PRKCE: variants seen among roughly 807,000 people sequenced by gnomAD.
PRKCE encodes protein kinase C epsilon.
Under a neutral mutation model 85.4 loss-of-function variants are expected in PRKCE, and 16 were observed. That is an observed-to-expected ratio of 0.19 (90% CI 0.13 to 0.28). The LOEUF is 0.28. Among genes scored for constraint, PRKCE ranks in the 10% least tolerant of loss-of-function variants. PRKCE has a pLI of 1.00. For missense variants in PRKCE, 573 were observed against 975.2 expected (o/e 0.59, Z 5.49); for synonymous variants, 388 against 371.5 (o/e 1.04, Z -0.51).
intron 10 of PRKCE, among the ~76,000 whole-genome samples, chr2:46,072,411 C>G (rs1034803223): frequency 1.3e-5 from 2 of 152,220 alleles, no homozygotes; most frequent in African/African-American, 2.4e-5. Context: ...GAGATGTCAA[C>G]CACGCTTTCT....
chr2:46,075,379 C>T (rs902910947), intron 10 of PRKCE, among the ~76,000 whole-genome samples: 2 of 151,888 alleles, frequency 1.3e-5, no homozygotes, highest in African/African-American at 2.4e-5. Context: ...TCCTAAACTT[C>T]GGCCGCAAAC....
intron 1 of PRKCE, among the ~76,000 whole-genome samples, chr2:45,655,982 G>C (rs556833826): frequency 6.6e-6 from 1 of 152,160 alleles, no homozygotes; most frequent in South Asian, 2.1e-4. Context: ...CAGTGTTCCT[G>C]GCATGGCCAC....
intron 4 of PRKCE, among the ~76,000 whole-genome samples, chr2:45,979,402 C>T (rs1232486762): frequency 6.6e-6 from 1 of 152,222 alleles, no homozygotes; most frequent in African/African-American, 2.4e-5. Context: ...GAAGAAGCTT[C>T]CTCGCCTGCT....
chr2:46,085,736 G>GTTTTTTTTTT lies in PRKCE; in HGVS notation c.1438-469_1438-460dup, dbSNP rs1170933914. Among the ~76,000 whole-genome samples the GTTTTTTTTTT allele has an allele frequency of 5.7e-5, 6 of 104,564 alleles. 1 individual carries two copies. The highest frequency in any genetic ancestry group is 9.7e-5 in the Admixed American group (1 of 10,280). 68.6% of individuals were successfully genotyped at this position (104,564 alleles called of 152,430 possible). On this transcript the variant is annotated intron_variant, in intron 10 of 14. Coordinates refer to ENST00000306156, the MANE Select transcript of PRKCE (RefSeq NM_005400.3). Reference sequence around the variant, plus strand: ...TCACTTAATTACATCTGCAAAATCCGTTTTTTTTTTTTGTTTTTGTTTTTT... The same window carrying GTTTTTTTTTT: ...TCACTTAATTACATCTGCAAAATCCGTTTTTTTTTTTTTTTTTTTTTTGTTTTTGTTTTTT...
chr2:45,859,894 A>C (rs1193328301), intron 2 of PRKCE, among the ~76,000 whole-genome samples: 2 of 152,210 alleles, frequency 1.3e-5, no homozygotes, highest in East Asian at 3.8e-4. Flanking sequence ...GCTGATGTGC[A>C]TGAAAGCTCA....
At chr2:46,080,158 G>C (rs1339157434) in intron 10 of PRKCE, among the ~76,000 whole-genome samples, 4 of 152,148 alleles carry the variant, frequency 2.6e-5, no homozygotes, top group African/African-American at 9.7e-5. Context: ...GGGTTTGCCA[G>C]CTTTCTTTTG....
At chr2:46,096,988 G>A (rs1294161188) in intron 11 of PRKCE, among the ~76,000 whole-genome samples, 1 of 152,188 alleles carries the variant, frequency 6.6e-6, no homozygotes, top group Non-Finnish European at 1.5e-5. Flanking sequence ...TGCCTGAGGA[G>A]TTACAGGTAC....
chr2:46,038,057 C>G (rs1289796796), intron 10 of PRKCE, among the ~76,000 whole-genome samples: 2 of 152,184 alleles, frequency 1.3e-5, no homozygotes, highest in East Asian at 3.8e-4. Context: ...CCAGTCTCCT[C>G]TGTCCTGTCT....
chr2:45,787,812 A>G (rs1339056418), intron 1 of PRKCE, among the ~76,000 whole-genome samples: 1 of 152,162 alleles, frequency 6.6e-6, no homozygotes, highest in Non-Finnish European at 1.5e-5. Flanking sequence ...GGGATGTATG[A>G]CCTCAAGGGA....
intron 1 of PRKCE, among the ~76,000 whole-genome samples, chr2:45,820,930 G>A (rs1689480049): frequency 6.7e-6 from 1 of 148,172 alleles, no homozygotes; most frequent in Admixed American, 6.7e-5. Context: ...GCAATCTTAT[G>A]AGGTTCTAGC....
At chr2:45,851,410 A>G (rs536878386) in intron 2 of PRKCE, among the ~76,000 whole-genome samples, 202 of 152,306 alleles carry the variant, frequency 1.3e-3, no homozygotes, top group African/African-American at 4.5e-3. Context: ...TCCTGCCCTC[A>G]TGGGGCTTAC....
chr2:45,890,157 A>T (rs1247866157), intron 2 of PRKCE, among the ~76,000 whole-genome samples: 2 of 152,190 alleles, frequency 1.3e-5, no homozygotes, highest in African/African-American at 4.8e-5. Flanking sequence ...GGTAGTTATG[A>T]TTTAATCTTT....
At chr2:45,667,856 T>A (rs1027455029) in intron 1 of PRKCE, among the ~76,000 whole-genome samples, 1 of 151,858 alleles carries the variant, frequency 6.6e-6, no homozygotes, top group African/African-American at 2.4e-5. Context: ...AGTGGCACTG[T>A]GGTTAAGTGG....
intron 1 of PRKCE, among the ~76,000 whole-genome samples, chr2:45,684,124 C>T (rs960535160): frequency 5.3e-5 from 8 of 152,162 alleles, no homozygotes; most frequent in Non-Finnish European, 1.0e-4. Flanking sequence ...TATTCTTCCC[C>T]TGTGCATTCA....
intron 14 of PRKCE, among the ~76,000 whole-genome samples, chr2:46,171,119 GGTCCTGCCACT>G (rs1196868270): frequency 6.6e-6 from 1 of 152,206 alleles, no homozygotes; most frequent in African/African-American, 2.4e-5. Context: ...GCCAGGCTCG[GGTCCTGCCACT>G]GCACATCCTG....
At chr2:45,783,791 C>T (rs561117854) in intron 1 of PRKCE, among the ~76,000 whole-genome samples, 1 of 152,268 alleles carries the variant, frequency 6.6e-6, no homozygotes, top group East Asian at 1.9e-4. Flanking sequence ...TTCTAGGAGC[C>T]GGGAAGTGTG....
At chr2:46,013,336 A>C (rs1208707566) in intron 10 of PRKCE, among the ~76,000 whole-genome samples, 1 of 152,238 alleles carries the variant, frequency 6.6e-6, no homozygotes. Flanking sequence ...TTCACTGATA[A>C]TAGATTGGGA....
chr2:46,085,757 T>A (rs1181685870), intron 10 of PRKCE, among the ~76,000 whole-genome samples: 3 of 33,978 alleles, frequency 8.8e-5, no homozygotes, highest in Non-Finnish European at 1.6e-4. Context: ...TTGTTTTTGT[T>A]TTTTTTTTTT....
intron 10 of PRKCE, among the ~76,000 whole-genome samples, chr2:46,034,248 A>G (rs772928550): frequency 6.6e-6 from 1 of 152,198 alleles, no homozygotes; most frequent in Admixed American, 6.5e-5. Flanking sequence ...CTTCCATGTT[A>G]TCCTTAGATA....
Sources: gnomAD v4.1 joint callset for allele counts (sites outside exome capture counted in the v4.1 genomes callset) on GRCh38, gnomAD v4.1.1 for gene constraint, MANE v1.5 for transcripts, NCBI Gene and HGNC (gene_info 2026-07-23, HGNC 2026-07-21) for gene names.